The following PDE1C variants were observed in gnomAD, a reference collection of about 807,000 sequenced individuals.
PDE1C encodes the protein phosphodiesterase 1C, also known as dual specificity calcium/calmodulin-dependent 3',5'-cyclic nucleotide phosphodiesterase 1C.
PDE1C carries 62 observed loss-of-function variants against 93.1 expected under a neutral mutation model. The observed-to-expected ratio is 0.67, with a 90% CI of 0.54 to 0.82. The LOEUF is 0.82. Among genes scored for constraint, PDE1C ranks in the 40% least tolerant of loss-of-function variants. The pLI is 0.00. For synonymous variants in PDE1C, 325 were observed against 310.1 expected (o/e 1.05, Z -0.50); for missense variants, 742 against 884.6 (o/e 0.84, Z 2.04).
At chr7:31,947,968 C>A (rs1053033700) in intron 2 of PDE1C, among the ~76,000 whole-genome samples, 2 of 152,156 alleles carry the variant, frequency 1.3e-5, no homozygotes, top group South Asian at 2.1e-4. Flanking sequence ...TGACAGATGG[C>A]AAGAGATTTA....
At chr7:32,220,813 A>G (rs1296678512) in intron 1 of PDE1C, among the ~76,000 whole-genome samples, 3 of 152,096 alleles carry the variant, frequency 2.0e-5, no homozygotes, top group East Asian at 3.9e-4. Context: ...GCGAGACTCC[A>G]TCTCAAAAAA....
chr7:31,835,545 T>C (rs919823788), intron 11 of PDE1C, among the ~76,000 whole-genome samples: 15 of 151,912 alleles, frequency 9.9e-5, no homozygotes, highest in South Asian at 2.1e-4. Context: ...TGTGTGTGTG[T>C]GTGTGTGTGT....
chr7:32,194,060 G>A lies in PDE1C; in HGVS notation c.136+15429C>T, dbSNP rs186213958. Reference sequence around the variant, plus strand: ...CTCCTGAGTAGCTGGGACTACAGGCGCCCGCCACCACACCCGGTAATTTTT... The same window carrying A: ...CTCCTGAGTAGCTGGGACTACAGGCACCCGCCACCACACCCGGTAATTTTT... On this transcript the variant is annotated intron_variant, in intron 2 of 18. Coordinates refer to the PDE1C transcript ENST00000396193. 2.5e-3 allele frequency among the ~76,000 whole-genome samples: 378 copies of A among 151,820 alleles called. 3 individuals carry two copies. The highest frequency in any genetic ancestry group is 1.4e-3 in the Non-Finnish European group (95 of 67,866).
chr7:31,972,631 C>T (rs1013202149), intron 2 of PDE1C, among the ~76,000 whole-genome samples: 4 of 152,082 alleles, frequency 2.6e-5, no homozygotes, highest in African/African-American at 9.7e-5. Flanking sequence ...GACCCCAAAC[C>T]CTGGATATAA....
rs1794226564 is a variant in PDE1C at position 31,753,305 on chromosome 7, G to GCC, written c.*78_*79insGG. 13 of 1,525,436 alleles carry GCC rather than the reference G, an allele frequency of 8.5e-6. No individual in the cohort carries two copies. The highest frequency in any genetic ancestry group is 1.1e-5 in the Non-Finnish European group (13 of 1,133,954). The allele number at this position is 1,525,436 out of a possible 1,614,324, so 94.5% of individuals were successfully genotyped here. On this transcript the variant is annotated 3_prime_UTR_variant, in exon 18 of 18. Coordinates refer to ENST00000396191, the MANE Select transcript of PDE1C (RefSeq NM_001191057.4). ...CCAACAGCCTCCAAGGGTCTTGGAG[G>GCC]TGTGTCCTGCTGTGGCCAGTGGGTG...
chr7:31,972,756 G>A (rs772737043), intron 2 of PDE1C, among the ~76,000 whole-genome samples: 2 of 152,104 alleles, frequency 1.3e-5, no homozygotes, highest in Non-Finnish European at 2.9e-5. Flanking sequence ...CCACCCATCC[G>A]GAGGCAGAAG....
At chr7:32,162,662 G>C (rs1801991077) in intron 3 of PDE1C, among the ~76,000 whole-genome samples, 1 of 152,104 alleles carries the variant, frequency 6.6e-6, no homozygotes, top group Non-Finnish European at 1.5e-5. Flanking sequence ...GCTGACCTTA[G>C]GGTCCCTGCC....
intron 1 of PDE1C, among the ~76,000 whole-genome samples, chr7:32,314,040 G>A (rs1783114236): frequency 6.6e-6 from 1 of 151,740 alleles, no homozygotes; most frequent in Admixed American, 6.6e-5. Flanking sequence ...GCCAATAAAA[G>A]TAAATGAGAA....
intron 1 of PDE1C, among the ~76,000 whole-genome samples, chr7:32,346,624 A>C (rs527958173): frequency 6.6e-6 from 1 of 152,296 alleles, no homozygotes; most frequent in African/African-American, 2.4e-5. Context: ...AGAAAGGAAA[A>C]AACTTTGTGC....
At chr7:32,222,166 A>C (rs1806914781) in intron 1 of PDE1C, among the ~76,000 whole-genome samples, 1 of 151,934 alleles carries the variant, frequency 6.6e-6, no homozygotes, top group Non-Finnish European at 1.5e-5. Flanking sequence ...ACACAAACAC[A>C]CCTCCCCAAC....
chr7:31,946,261 A>G (rs1246374908), intron 2 of PDE1C, among the ~76,000 whole-genome samples: 1 of 152,166 alleles, frequency 6.6e-6, no homozygotes, highest in African/African-American at 2.4e-5. Context: ...GACATAATGT[A>G]AAAGAGTCTT....
chr7:32,270,122 A>G (rs1056741327), intron 1 of PDE1C, among the ~76,000 whole-genome samples: 1 of 152,164 alleles, frequency 6.6e-6, no homozygotes, highest in Non-Finnish European at 1.5e-5. Context: ...AACAGAGTAT[A>G]AAATAATATG....
Position 31,806,699 on chromosome 7 carries a change from G to C in PDE1C, c.1891+2332C>G. ...CCAACTGTGATTCAGTTTCCACTGGGTTTCTCTCTCAATGTTCACATTGGG... is the reference window on the plus strand; with the variant it reads ...CCAACTGTGATTCAGTTTCCACTGGCTTTCTCTCTCAATGTTCACATTGGG... On this transcript the variant is annotated intron_variant, in intron 16 of 17. Coordinates refer to ENST00000396191, the MANE Select transcript of PDE1C (RefSeq NM_001191057.4). Among the ~76,000 whole-genome samples, 2 of 151,790 alleles carry C rather than the reference G, an allele frequency of 1.3e-5. 1 individual carries two copies.
At chr7:31,931,120 T>C (rs1804184599) in intron 2 of PDE1C, among the ~76,000 whole-genome samples, 1 of 152,080 alleles carries the variant, frequency 6.6e-6, no homozygotes. Flanking sequence ...GACAAAGCCA[T>C]AGCCGATATC....
At chr7:32,066,135 TG>T (rs1476988002) in intron 1 of PDE1C, among the ~76,000 whole-genome samples, 1 of 152,174 alleles carries the variant, frequency 6.6e-6, no homozygotes, top group African/African-American at 2.4e-5. Flanking sequence ...AATACAGAAA[TG>T]TCAATGAGGG....
intron 17 of PDE1C, among the ~76,000 whole-genome samples, chr7:31,769,984 CTG>C (rs1795380034): frequency 1.3e-5 from 2 of 152,176 alleles, no homozygotes; most frequent in African/African-American, 4.8e-5. Context: ...AACAGCCAAA[CTG>C]TGTTCTAAAG....
chr7:32,425,802 A>G (rs1324564714), intron 1 of PDE1C, among the ~76,000 whole-genome samples: 1 of 152,126 alleles, frequency 6.6e-6, no homozygotes, highest in Non-Finnish European at 1.5e-5. Flanking sequence ...TTAACCAGGC[A>G]TGGTGGCATG....
intron 6 of PDE1C, 77 bp downstream of exon 6, chr7:31,873,215 G>A: frequency 1.1e-6 from 1 of 871,914 alleles, no homozygotes; most frequent in South Asian, 1.6e-5. Flanking sequence ...TATTAAAATA[G>A]TCTGAACCCA....
the PDE1C span, among the ~76,000 whole-genome samples, chr7:31,711,526 G>A: frequency 6.6e-6 from 1 of 152,060 alleles, no homozygotes; most frequent in Non-Finnish European, 1.5e-5. Flanking sequence ...CAAAAACACA[G>A]GAGGTTAAAG....
Sources: gnomAD v4.1 joint callset for allele counts (sites outside exome capture counted in the v4.1 genomes callset) on GRCh38, gnomAD v4.1.1 for gene constraint, MANE v1.5 for transcripts, NCBI Gene and HGNC (gene_info 2026-07-23, HGNC 2026-07-21) for gene names.